METTL14: variants seen among roughly 807,000 people sequenced by gnomAD.
METTL14 encodes N(6)-adenosine-methyltransferase non-catalytic subunit METTL14.
In METTL14, 32 loss-of-function variants were observed where a neutral mutation model predicts 62.4. The observed-to-expected ratio is 0.51, with a 90% CI of 0.39 to 0.69. The LOEUF (loss-of-function observed/expected upper bound fraction) is 0.69. Ranked by LOEUF, METTL14 falls within the 30% of genes least tolerant of loss-of-function variation. The probability of loss-of-function intolerance (pLI) is 0.00; values close to 1 mark genes in which losing one functional copy is unlikely to be tolerated. For missense variants in METTL14, 340 were observed against 551.9 expected (o/e 0.62, Z 3.85); for synonymous variants, 150 against 180.0 (o/e 0.83, Z 1.34).
rs977766278 is a variant in METTL14 at position 118,710,044 on chromosome 4, A to G, written c.1113A>G (p.Ala371=). ...GPTLTNSNYN[A]ETYASYFSAP... The stretch of plus-strand genomic sequence containing the variant: ...CGCTTACAAATAGCAACTACAATGC[A>G]GAAACATATGCATCCTATTTCAGTG... Residue 371 remains alanine, a synonymous_variant, in exon 11 of 11, where the codon GCA becomes GCG. Transcript: ENST00000388822. 4 of 1,614,032 alleles carry G rather than the reference A, an allele frequency of 2.5e-6. No individual in the cohort carries two copies. The Admixed American group carries it at 6.7e-5, about 27-fold the overall frequency.
intron 10 of METTL14, 31 bp downstream of exon 10, chr4:118,705,852 A>G (rs368616477): frequency 2.0e-5 from 30 of 1,531,782 alleles, no homozygotes; most frequent in Non-Finnish European, 2.6e-5. Context: ...AACTTTTATG[A>G]TTCTTTGGGT....
At chr4:118,693,683 A>G (rs914495102) in intron 5 of METTL14, among the ~76,000 whole-genome samples, 2 of 152,166 alleles carry the variant, frequency 1.3e-5, no homozygotes, top group African/African-American at 2.4e-5. Flanking sequence ...CTCTTAGGAT[A>G]CCTGCCTCCC....
At chr4:118,696,148 G>A (rs1187707486) in intron 6 of METTL14, among the ~76,000 whole-genome samples, 1 of 96,926 alleles carries the variant, frequency 1.0e-5, no homozygotes, top group East Asian at 3.1e-4. Context: ...AAAAAAAATT[G>A]TATTCTGTAA....
chr4:118,700,033 T>A (rs1014279033), intron 7 of METTL14, among the ~76,000 whole-genome samples: 6 of 137,486 alleles, frequency 4.4e-5, no homozygotes, highest in African/African-American at 6.2e-5. Context: ...AAGAGAATAA[T>A]TTTTTTTTTT....
At chr4:118,701,404 C>T (rs770168227) in intron 8 of METTL14, among the ~76,000 whole-genome samples, 4 of 151,552 alleles carry the variant, frequency 2.6e-5, no homozygotes, top group Non-Finnish European at 4.4e-5. Context: ...CAGGCTGGCC[C>T]CAAACTCCTG....
chr4:118,712,035 GA>G lies in METTL14; in HGVS notation c.*1734del, dbSNP rs1273630566. ...TGCTTTGTCGGTTGAAAGTTAAGGG[GA>G]GCCATGATCTACCATATTTAGGAAA... On this transcript the variant is annotated 3_prime_UTR_variant, in exon 11 of 11. Coordinates refer to ENST00000388822, the MANE Select transcript of METTL14 (RefSeq NM_020961.4). 8 of 152,148 alleles carry G rather than the reference GA, an allele frequency of 5.3e-5. No homozygotes were observed. Among genetic ancestry groups the G allele is most frequent in the Admixed American group, 5.2e-4 (8 of 15,270 alleles). 9.4% of individuals were successfully genotyped at this position (152,148 alleles called of 1,614,324 possible). A position where few individuals can be genotyped will look rare whatever the true frequency, so the allele number is the denominator to read the frequency against.
intron 2 of METTL14, 130 bp from the exon 3 acceptor site, chr4:118,689,240 G>A (rs1724168426): frequency 6.1e-6 from 3 of 493,344 alleles, no homozygotes; most frequent in Admixed American, 3.8e-5. Context: ...CTTATAAACT[G>A]CGTAGATAGA....
At chr4:118,688,523 A>T (rs915311239) in intron 2 of METTL14, among the ~76,000 whole-genome samples, 4 of 152,096 alleles carry the variant, frequency 2.6e-5, no homozygotes, top group African/African-American at 9.7e-5. Context: ...GAAAAGCATC[A>T]AAATAATGAT....
At chr4:118,697,483 C>G in intron 7 of METTL14, 160 bp downstream of exon 7, 1 of 584,810 alleles carries the variant, frequency 1.7e-6, no homozygotes, top group Non-Finnish European at 2.7e-6. Context: ...GGTACATTGA[C>G]TAATATTACA....
At chr4:118,700,793 G>T (rs891610878) in intron 8 of METTL14, 151 bp downstream of exon 8, 66 of 553,222 alleles carry the variant, frequency 1.2e-4, no homozygotes, top group Admixed American at 1.7e-4. Flanking sequence ...GTCCAGAAAA[G>T]AACGTAAGAA....
chr4:118,685,737 C>A (rs929504255), intron 1 of METTL14, 137 bp downstream of exon 1: 162 of 747,796 alleles, frequency 2.2e-4, no homozygotes, highest in Non-Finnish European at 2.0e-4. Context: ...CGATCTTGAT[C>A]CCTGGTTCTG....
chr4:118,694,218 G>T (rs1724338441), intron 5 of METTL14, among the ~76,000 whole-genome samples: 1 of 151,744 alleles, frequency 6.6e-6, no homozygotes, highest in Non-Finnish European at 1.5e-5. Context: ...TATTGACTTG[G>T]ACTGGGTTTT....
intron 10 of METTL14, among the ~76,000 whole-genome samples, chr4:118,706,450 A>G (rs1212153525): frequency 6.6e-6 from 1 of 152,342 alleles, no homozygotes; most frequent in South Asian, 2.1e-4. Flanking sequence ...GTGCCGAATA[A>G]TATTCCATTG....
intron 2 of METTL14, among the ~76,000 whole-genome samples, chr4:118,688,713 C>T (rs1724151522): frequency 6.6e-6 from 1 of 152,100 alleles, no homozygotes; most frequent in Admixed American, 6.6e-5. Flanking sequence ...CTCGCTCTGT[C>T]ACCAGGCTTG....
intron 3 of METTL14, among the ~76,000 whole-genome samples, chr4:118,691,069 T>C (rs1724231656): frequency 6.6e-6 from 1 of 152,202 alleles, no homozygotes; most frequent in Non-Finnish European, 1.5e-5. Context: ...GTCTTATATG[T>C]TGCAGTTCTG....
intron 10 of METTL14, among the ~76,000 whole-genome samples, chr4:118,707,663 C>CAA (rs58896173): frequency 0.053 from 2,863 of 53,990 alleles, 68 homozygotes; most frequent in Non-Finnish European, 0.092. Context: ...GACCCTGTCT[C>CAA]AAAAAAAAAA....
chr4:118,696,070 G>C (rs1428295952), intron 6 of METTL14, among the ~76,000 whole-genome samples: 1 of 119,254 alleles, frequency 8.4e-6, no homozygotes, highest in Non-Finnish European at 1.6e-5. Context: ...AGTGAGCCGA[G>C]ATTGTGCCAC....
chr4:118,704,774 A>C (rs1319511607), intron 9 of METTL14, among the ~76,000 whole-genome samples: 1 of 152,182 alleles, frequency 6.6e-6, no homozygotes, highest in Non-Finnish European at 1.5e-5. Flanking sequence ...AATAGGTCAT[A>C]GTAAGTAAAG....
At position 118,711,331 on chromosome 4, in the gene METTL14, C is replaced by T. The variant is rs909055397; in HGVS notation, c.*1029C>T. The T allele has an allele frequency of 6.6e-6, 1 of 152,186 alleles. No homozygotes were observed. The highest frequency in any genetic ancestry group is 1.5e-5 in the Non-Finnish European group (1 of 68,026). 9.4% of individuals were successfully genotyped at this position (152,186 alleles called of 1,614,324 possible). A position where few individuals can be genotyped will look rare whatever the true frequency, so the allele number is the denominator to read the frequency against. ...TATAAGACTTTATGCTGTCACTTCT[C>T]TTGCTGTACTGTAATTCATGTTTTA... On this transcript the variant is annotated 3_prime_UTR_variant, in exon 11 of 11. Transcript: ENST00000388822.
Sources: allele counts gnomAD v4.1 joint callset (sites outside exome capture counted in the v4.1 genomes callset), GRCh38; gene constraint gnomAD v4.1.1; transcripts MANE v1.5; gene names NCBI Gene and HGNC (gene_info 2026-07-23, HGNC 2026-07-21).